Variants in DOCK10 observed in about 807,000 individuals in gnomAD.
The protein encoded by DOCK10 is dedicator of cytokinesis 10.
A neutral mutation model predicts 280.1 loss-of-function variants in DOCK10; 145 were observed. The observed-to-expected ratio is 0.52, with a 90% CI of 0.45 to 0.59. DOCK10 has a LOEUF of 0.59. DOCK10 is among the 20% of genes least tolerant of loss of function. DOCK10 has a pLI of 0.00. For synonymous variants in DOCK10, 915 were observed against 942.2 expected, an observed-to-expected ratio of 0.97 and a Z score of 0.53; for missense variants, 2,368 against 2,651.7, an observed-to-expected ratio of 0.89 and a Z score of 2.35.
At chr2:224,812,061 A>G (rs1026459663) in intron 31 of DOCK10, among the ~76,000 whole-genome samples, 1 of 152,076 alleles carries the variant, frequency 6.6e-6, no homozygotes, top group Non-Finnish European at 1.5e-5. Context: ...CATTGAATCT[A>G]TAAATTACCT....
intron 1 of DOCK10, among the ~76,000 whole-genome samples, chr2:225,036,390 T>C (rs569384100): frequency 1.3e-5 from 2 of 152,318 alleles, no homozygotes; most frequent in East Asian, 3.9e-4. Flanking sequence ...AACTTTCAAA[T>C]AGTTGCAGAA....
At chr2:224,965,972 A>G (rs1274560222) in intron 1 of DOCK10, among the ~76,000 whole-genome samples, 1 of 152,228 alleles carries the variant, frequency 6.6e-6, no homozygotes, top group Non-Finnish European at 1.5e-5. Context: ...AAGTTCTGGG[A>G]GAAATGCTAC....
In DOCK10 at chr2:224,886,463, T is replaced by C. The variant is rs1442613135; in HGVS notation, c.485A>G (p.Asp162Gly). 1 of 1,610,244 alleles carries C rather than the reference T, an allele frequency of 6.2e-7. No homozygotes were observed. The highest frequency in any genetic ancestry group is 8.5e-7 in the Non-Finnish European group (1 of 1,177,906). ...CACTTTCAACTATTTACTTACTTCA[T>C]CCTTATCAGCATCTTCATGGTCAAT... The part of the protein sequence containing the change: ...FEIDHEDADK[D>G]EDTTSHSSSK... Residue 162 changes from aspartate to glycine, a missense_variant, in exon 5 of 56, where the codon GAT becomes GGT. Physicochemically the swap from Asp to Gly is moderately conservative, Grantham distance 94 (BLOSUM62 -1). Coordinates refer to ENST00000258390, the MANE Select transcript of DOCK10 (RefSeq NM_014689.3).
At chr2:224,765,910 C>A (rs1690053753) in intron 55 of DOCK10, 73 bp from the exon 56 acceptor site, 1 of 1,148,622 alleles carries the variant, frequency 8.7e-7, no homozygotes, top group African/African-American at 1.6e-5. Flanking sequence ...AAAATTAAAA[C>A]CCAGAATAGA....
intron 3 of DOCK10, among the ~76,000 whole-genome samples, chr2:224,898,527 C>G (rs1004543476): frequency 6.6e-6 from 1 of 152,196 alleles, no homozygotes; most frequent in African/African-American, 2.4e-5. Flanking sequence ...TAGCAACTTG[C>G]CAATGCCTGA....
chr2:224,811,795 T>C (rs1693797186), intron 31 of DOCK10, among the ~76,000 whole-genome samples: 2 of 151,450 alleles, frequency 1.3e-5, no homozygotes, highest in African/African-American at 4.8e-5. Context: ...CAGATGGTTG[T>C]AGATATGCGG....
At chr2:224,979,704 C>T (rs12329131) in intron 1 of DOCK10, among the ~76,000 whole-genome samples, 119,768 of 152,264 alleles carry the variant, frequency 0.79, 47,968 homozygotes, top group African/African-American at 0.95. Context: ...TCCTCAAATG[C>T]CACTTTTCAG....
At chr2:224,963,239 C>T (rs2126178407) in intron 1 of DOCK10, among the ~76,000 whole-genome samples, 1 of 152,294 alleles carries the variant, frequency 6.6e-6, no homozygotes, top group Non-Finnish European at 1.5e-5. Context: ...AAGACCATGT[C>T]TTTTGGGAAG....
At chr2:225,020,369 G>T (rs559910162) in intron 1 of DOCK10, among the ~76,000 whole-genome samples, 1 of 152,178 alleles carries the variant, frequency 6.6e-6, no homozygotes, top group African/African-American at 2.4e-5. Context: ...AAAATGTGGT[G>T]AACACACTGG....
chr2:224,835,689 T>C (rs114011154), intron 25 of DOCK10, among the ~76,000 whole-genome samples: 5 of 152,368 alleles, frequency 3.3e-5, no homozygotes, highest in African/African-American at 1.2e-4. Flanking sequence ...AAGTCTAGAA[T>C]TGACTAGAAT....
At chr2:224,907,198 A>G (rs543974949) in intron 3 of DOCK10, among the ~76,000 whole-genome samples, 2 of 152,230 alleles carry the variant, frequency 1.3e-5, no homozygotes, top group Non-Finnish European at 2.9e-5. Context: ...TTTAAGGGCT[A>G]AAAGAGTATT....
At chr2:224,793,110 T>A (rs749467086) in intron 46 of DOCK10, 38 bp from the exon 47 acceptor site, 1 of 1,416,198 alleles carries the variant, frequency 7.1e-7, no homozygotes, top group Non-Finnish European at 9.9e-7. Flanking sequence ...CATTGCTACA[T>A]GTTTATGTTA....
chr2:224,871,742 C>T (rs1040365931), intron 11 of DOCK10, among the ~76,000 whole-genome samples: 7 of 152,142 alleles, frequency 4.6e-5, no homozygotes, highest in African/African-American at 1.7e-4. Context: ...CCTTCCCAAC[C>T]TTTAGGTCTC....
intron 26 of DOCK10, among the ~76,000 whole-genome samples, chr2:224,831,508 G>T (rs956800816): frequency 1.3e-5 from 2 of 151,082 alleles, no homozygotes; most frequent in Non-Finnish European, 2.9e-5. Context: ...GAGGGGCCTG[G>T]TGCGCATGTG....
chr2:224,936,395 C>T (rs2126047599), intron 1 of DOCK10, among the ~76,000 whole-genome samples: 1 of 152,186 alleles, frequency 6.6e-6, no homozygotes, highest in South Asian at 2.1e-4. Flanking sequence ...GTTAAGGTCA[C>T]CTTGACAGTG....
intron 51 of DOCK10, among the ~76,000 whole-genome samples, chr2:224,776,933 G>T (rs1690909795): frequency 6.6e-6 from 1 of 152,206 alleles, no homozygotes. Flanking sequence ...GTACAACTTG[G>T]ACTTTGACTC....
rs144046423 is a variant in DOCK10, at chr2:224,946,030, A to G, written c.124-14362T>C. Among the ~76,000 whole-genome samples, 42 of 152,336 alleles carry G rather than the reference A, an allele frequency of 2.8e-4. 1 individual carries two copies. Among genetic ancestry groups the G allele is most frequent in the Non-Finnish European group, 4.7e-4 (32 of 68,030 alleles). The stretch of plus-strand genomic sequence containing the variant: ...AAGCCAGATCCACCATGTGAAATGA[A>G]CATTCTTCTAAAATAAGCTACCCAG... On this transcript the variant is annotated intron_variant, in intron 1 of 55. Coordinates refer to ENST00000258390, the MANE Select transcript of DOCK10 (RefSeq NM_014689.3).
intron 1 of DOCK10, chr2:224,983,300 T>C: frequency 6.4e-6 from 1 of 156,990 alleles, no homozygotes; most frequent in South Asian, 1.9e-4. Context: ...GAGAGATGCT[T>C]AGAAATCACG....
At position 224,916,786 on chromosome 2, in the gene DOCK10, T is replaced by A; in HGVS notation, c.244-2A>T. On this transcript the variant is annotated splice_acceptor_variant, in intron 2 of 55. Coordinates refer to ENST00000258390, the MANE Select transcript of DOCK10 (RefSeq NM_014689.3). LOFTEE classifies it high-confidence loss of function. Reference sequence around the variant, plus strand: ...GATATCCCAGGAAACTGTGGCTGCCTGAAACGAACAATGAAAAGAAATTGA... The same window carrying A: ...GATATCCCAGGAAACTGTGGCTGCCAGAAACGAACAATGAAAAGAAATTGA... 1 of 1,605,708 alleles carries A rather than the reference T, an allele frequency of 6.2e-7. No homozygotes were observed. Among genetic ancestry groups the A allele is most frequent in the South Asian group, 1.1e-5 (1 of 89,434 alleles).
Sources: allele counts gnomAD v4.1 joint callset (sites outside exome capture counted in the v4.1 genomes callset), GRCh38; gene constraint gnomAD v4.1.1; transcripts MANE v1.5; gene names NCBI Gene and HGNC (gene_info 2026-07-23, HGNC 2026-07-21).